The following SPOCK3 variants were observed in gnomAD, a reference collection of about 807,000 sequenced individuals.
SPOCK3 encodes the protein SPARC (osteonectin), cwcv and kazal like domains proteoglycan 3.
SPOCK3 carries 30 observed loss-of-function variants against 56.6 expected under a neutral mutation model. That is an observed-to-expected ratio of 0.53 (90% CI 0.40 to 0.72). The LOEUF (loss-of-function observed/expected upper bound fraction) is 0.72. Ranked by LOEUF, SPOCK3 falls within the 30% of genes least tolerant of loss-of-function variation. The probability of loss-of-function intolerance (pLI) is 0.00; values close to 1 mark genes in which losing one functional copy is unlikely to be tolerated. For missense variants in SPOCK3, 527 were observed against 530.0 expected (o/e 0.99, Z 0.06); for synonymous variants, 196 against 183.3 (o/e 1.07, Z -0.56).
intron 2 of SPOCK3, among the ~76,000 whole-genome samples, chr4:167,079,206 C>A (rs1346416245): frequency 6.6e-6 from 1 of 151,830 alleles, no homozygotes; most frequent in Non-Finnish European, 1.5e-5. Context: ...ATTTTTAAAA[C>A]ACAGAACTAA....
intron 3 of SPOCK3, among the ~76,000 whole-genome samples, chr4:167,014,939 G>T (rs1219337790): frequency 6.6e-6 from 1 of 151,898 alleles, no homozygotes; most frequent in East Asian, 1.9e-4. Context: ...CAATGGAAAA[G>T]AAAATTACTC....
At chr4:166,787,924 G>T (rs1464966408) in intron 7 of SPOCK3, among the ~76,000 whole-genome samples, 1 of 152,160 alleles carries the variant, frequency 6.6e-6, no homozygotes, top group Admixed American at 6.5e-5. Flanking sequence ...GCTCATACCT[G>T]TAATCCCAGC....
intron 7 of SPOCK3, among the ~76,000 whole-genome samples, chr4:166,763,756 TATAAACCC>T (rs1737567295): frequency 6.6e-6 from 1 of 152,138 alleles, no homozygotes; most frequent in African/African-American, 2.4e-5. Flanking sequence ...TGATATATAC[TATAAACCC>T]TAGAGCAAAC....
At chr4:167,157,545 TG>T (rs1388272981) in intron 2 of SPOCK3, among the ~76,000 whole-genome samples, 2 of 151,770 alleles carry the variant, frequency 1.3e-5, no homozygotes, top group African/African-American at 4.8e-5. Context: ...TAAAAACATC[TG>T]GAAAAATGTC....
At chr4:166,846,651 T>G (rs1399216449) in intron 6 of SPOCK3, among the ~76,000 whole-genome samples, 1 of 152,136 alleles carries the variant, frequency 6.6e-6, no homozygotes, top group Admixed American at 6.5e-5. Context: ...TTCACATACC[T>G]GAAATTGGTA....
chr4:166,743,358 A>G (rs1735116950), intron 8 of SPOCK3, among the ~76,000 whole-genome samples: 1 of 152,178 alleles, frequency 6.6e-6, no homozygotes. Context: ...ATGAAATTTT[A>G]CGTAACAAAG....
intron 7 of SPOCK3, among the ~76,000 whole-genome samples, chr4:166,765,826 A>G (rs2126534955): frequency 6.6e-6 from 1 of 152,332 alleles, no homozygotes; most frequent in East Asian, 1.9e-4. Flanking sequence ...TGAGCATGGA[A>G]TGTTCTTCCA....
chr4:166,777,283 G>C (rs1019614981), intron 7 of SPOCK3, among the ~76,000 whole-genome samples: 1 of 152,134 alleles, frequency 6.6e-6, no homozygotes, highest in Non-Finnish European at 1.5e-5. Context: ...CAAAATAATT[G>C]TTATTAATAT....
At chr4:167,180,616 T>C (rs946438810) in intron 2 of SPOCK3, among the ~76,000 whole-genome samples, 1 of 152,212 alleles carries the variant, frequency 6.6e-6, no homozygotes, top group Non-Finnish European at 1.5e-5. Context: ...CACAGTGATA[T>C]TGCAGCATTT....
chr4:166,916,525 C>T (rs1363435791), intron 4 of SPOCK3, among the ~76,000 whole-genome samples: 2 of 152,094 alleles, frequency 1.3e-5, no homozygotes, highest in African/African-American at 2.4e-5. Flanking sequence ...TTATGTTCTA[C>T]TTAGTTTTCT....
intron 6 of SPOCK3, among the ~76,000 whole-genome samples, chr4:166,852,416 C>G (rs1396551962): frequency 1.3e-5 from 2 of 151,990 alleles, no homozygotes; most frequent in African/African-American, 2.4e-5. Context: ...TCAGACAGGA[C>G]CCATTAAACC....
At chr4:166,850,247 T>C (rs1748537686) in intron 6 of SPOCK3, among the ~76,000 whole-genome samples, 1 of 152,236 alleles carries the variant, frequency 6.6e-6, no homozygotes, top group Non-Finnish European at 1.5e-5. Flanking sequence ...TCAACACTTA[T>C]TATTTTCTGT....
At chr4:167,079,871 T>C (rs563300009) in intron 2 of SPOCK3, among the ~76,000 whole-genome samples, 1 of 152,140 alleles carries the variant, frequency 6.6e-6, no homozygotes, top group Non-Finnish European at 1.5e-5. Context: ...CATACTCTAA[T>C]GTGGGTATTA....
intron 4 of SPOCK3, among the ~76,000 whole-genome samples, chr4:166,986,928 C>T (rs1747231683): frequency 6.6e-6 from 1 of 152,110 alleles, no homozygotes; most frequent in Admixed American, 6.6e-5. Flanking sequence ...AACCCCATTG[C>T]ACCACCAGAA....
intron 3 of SPOCK3, among the ~76,000 whole-genome samples, chr4:167,059,019 T>C (rs1755259676): frequency 6.6e-6 from 1 of 151,970 alleles, no homozygotes; most frequent in African/African-American, 2.4e-5. Flanking sequence ...ATTAAAGACT[T>C]AAACGTTAGA....
At chr4:166,780,051 G>C (rs1324802230) in intron 7 of SPOCK3, among the ~76,000 whole-genome samples, 2 of 152,106 alleles carry the variant, frequency 1.3e-5, no homozygotes, top group East Asian at 3.9e-4. Flanking sequence ...GTTTCACCTA[G>C]AATGTGAGAA....
chr4:167,008,742 A>G (rs1182415521), intron 3 of SPOCK3, among the ~76,000 whole-genome samples: 1 of 152,162 alleles, frequency 6.6e-6, no homozygotes, highest in African/African-American at 2.4e-5. Flanking sequence ...ACAGAAACAG[A>G]AAATCAAATA....
intron 6 of SPOCK3, among the ~76,000 whole-genome samples, chr4:166,818,200 A>G (rs1251747166): frequency 6.6e-6 from 1 of 151,862 alleles, no homozygotes; most frequent in African/African-American, 2.4e-5. Context: ...TGTTGCTGTG[A>G]ATGACAGGAT....
chr4:167,071,024 A>C (rs1481576397), intron 2 of SPOCK3, among the ~76,000 whole-genome samples: 1 of 151,930 alleles, frequency 6.6e-6, no homozygotes, highest in Admixed American at 6.6e-5. Context: ...ACCACAGATT[A>C]AAAACATAAA....
Sources: gnomAD v4.1 joint callset for allele counts (sites outside exome capture counted in the v4.1 genomes callset) on GRCh38, gnomAD v4.1.1 for gene constraint, MANE v1.5 for transcripts, NCBI Gene and HGNC (gene_info 2026-07-23, HGNC 2026-07-21) for gene names.